The following EPHA8 variants were observed in gnomAD, a reference collection of about 807,000 sequenced individuals.
The protein encoded by EPHA8 is ephrin type-A receptor 8.
EPHA8 carries 58 observed loss-of-function variants against 103.6 expected under a neutral mutation model. The ratio of observed to expected loss-of-function variants is 0.56; its 90% CI spans 0.45 to 0.70. The LOEUF is 0.70. Ranked by LOEUF, EPHA8 falls within the 30% of genes least tolerant of loss-of-function variation. The pLI is 0.00. For synonymous variants in EPHA8, 559 were observed against 572.5 expected (o/e 0.98, Z 0.34); for missense variants, 1,304 against 1,395.2 (o/e 0.93, Z 1.04).
rs1641593970 is a variant in EPHA8, at chr1:22,598,828, C to A, written c.2179-10C>A. ...GGCTTTCCTGAAGTCCAAGCCATGT[C>A]CCCCTGCAGACCCACGACGGGCAGT... On this transcript the variant is annotated splice_polypyrimidine_tract_variant and intron_variant, in intron 12 of 16. Coordinates refer to ENST00000166244, the MANE Select transcript of EPHA8 (RefSeq NM_020526.5). This position sits in a 1 kb window ranked among gnomAD's most constrained non-coding sequence, Gnocchi z 5.1. 2.5e-6 allele frequency: 4 copies of A among 1,611,108 alleles called. No homozygotes were observed. The highest frequency in any genetic ancestry group is 1.3e-5 in the African/African-American group (1 of 74,850).
At chr1:22,582,765 C>G (rs534189833) in intron 3 of EPHA8, among the ~76,000 whole-genome samples, 1 of 152,174 alleles carries the variant, frequency 6.6e-6, no homozygotes, top group South Asian at 2.1e-4. Flanking sequence ...CTGGTTCACC[C>G]CAGAAAGAGG....
rs971313821 is a variant in EPHA8 at position 22,598,387 on chromosome 1, C to T, written c.2178+175C>T. ...GAGTTCAGCCAGTCGAACTGCCTTT[C>T]GGCCCCCATTGCATGAAAGTCCCTC... On this transcript the variant is annotated intron_variant, in intron 12 of 16. Coordinates refer to ENST00000166244, the MANE Select transcript of EPHA8 (RefSeq NM_020526.5). The surrounding 1 kb of genome is among the most constrained non-coding windows in gnomAD (Gnocchi z 5.1). 2.6e-5 allele frequency among the ~76,000 whole-genome samples: 4 copies of T among 152,174 alleles called. No individual in the cohort carries two copies. Among genetic ancestry groups the T allele is most frequent in the Non-Finnish European group, 4.4e-5 (3 of 68,036 alleles).
At position 22,576,512 on chromosome 1, in the gene EPHA8, A is replaced by G; in HGVS notation, c.455A>G (p.Glu152Gly). The G allele has an allele frequency of 6.2e-7, 1 of 1,614,168 alleles. No individual in the cohort carries two copies. The highest frequency in any genetic ancestry group is 2.2e-5 in the East Asian group (1 of 44,878). The change falls in exon 3 of 17, where the codon GAG becomes GGG. Residue 152 changes from glutamate (E) to glycine (G), a missense_variant. Physicochemically the swap from Glu to Gly is moderately conservative, Grantham distance 98. Transcript: ENST00000166244. The surrounding 1 kb of genome is among the most constrained non-coding windows in gnomAD (Gnocchi z 4.8). The stretch of plus-strand genomic sequence containing the variant: ...AAAATCGACACCATTGCGGCCGACG[A>G]GAGCTTCACAGGTGCCGACCTTGGT... Reference protein sequence around the residue: ...FLKIDTIAADESFTGADLGVR... With the variant: ...FLKIDTIAADGSFTGADLGVR...
At chr1:22,583,636 A>G (rs114196323) in intron 3 of EPHA8, among the ~76,000 whole-genome samples, 8 of 152,382 alleles carry the variant, frequency 5.2e-5, no homozygotes, top group Non-Finnish European at 1.0e-4. Context: ...CCTGGCATGA[A>G]TTTATGTGTC....
In EPHA8 at chr1:22,589,015, G is replaced by C; in HGVS notation, c.1124G>C (p.Arg375Pro). The C allele has an allele frequency of 1.2e-6, 2 of 1,612,790 alleles. No homozygotes were observed. Among genetic ancestry groups the C allele is most frequent in the South Asian group, 2.2e-5 (2 of 90,948 alleles). Reference sequence around the variant, plus strand: ...CGCCGCTGCCCCTGGGCACTGAGCCGCTGCGAGGCATGTGGGAGCGGCACC... The same window carrying C: ...CGCCGCTGCCCCTGGGCACTGAGCCCCTGCGAGGCATGTGGGAGCGGCACC... ...VCRRCPWALS[R>P]CEACGSGTRF... The change falls in exon 5 of 17, where the codon CGC becomes CCC. Residue 375 changes from arginine to proline, a missense_variant. Physicochemically the swap from Arg to Pro is moderately radical, Grantham distance 103 (BLOSUM62 -2). Transcript: ENST00000166244. This position sits in a 1 kb window ranked among gnomAD's most constrained non-coding sequence, Gnocchi z 4.3.
chr1:22,583,221 G>A (rs923993782), intron 3 of EPHA8, among the ~76,000 whole-genome samples: 3 of 152,252 alleles, frequency 2.0e-5, no homozygotes, highest in Admixed American at 6.5e-5. Flanking sequence ...CCAGCCCAGA[G>A]CCACTCCATC....
intron 3 of EPHA8, among the ~76,000 whole-genome samples, chr1:22,577,769 AGTGT>A (rs777473717): frequency 4.1e-5 from 6 of 146,030 alleles, no homozygotes; most frequent in Non-Finnish European, 9.1e-5. Context: ...GGTGTGCATG[AGTGT>A]GTGTGTGCAT....
chr1:22,579,532 T>G (rs1430057596), intron 3 of EPHA8, among the ~76,000 whole-genome samples: 1 of 152,198 alleles, frequency 6.6e-6, no homozygotes, highest in African/African-American at 2.4e-5. Context: ...GGGGAGTCTG[T>G]GCAGCCAGGC....
chr1:22,576,376 G>T lies in EPHA8; in HGVS notation c.319G>T (p.Asp107Tyr), dbSNP rs774769663. ...VYAEIKFTLR[D>Y]CNSMPGVLGT... ...TGCTGAGATCAAGTTTACCCTGCGC[G>T]ACTGCAACAGCATGCCTGGTGTGCT... The change falls in exon 3 of 17, where the codon GAC becomes TAC. Residue 107 changes from aspartate to tyrosine, a missense_variant. Transcript: ENST00000166244. This position sits in a 1 kb window ranked among gnomAD's most constrained non-coding sequence, Gnocchi z 4.8. 1.2e-6 allele frequency: 2 copies of T among 1,613,788 alleles called. No individual in the cohort carries two copies. Among genetic ancestry groups the T allele is most frequent in the South Asian group, 2.2e-5 (2 of 91,054 alleles).
chr1:22,599,672 AAGG>A (rs1364145648), intron 13 of EPHA8, among the ~76,000 whole-genome samples: 1 of 43,056 alleles, frequency 2.3e-5, no homozygotes, highest in African/African-American at 1.6e-4. Context: ...GGGAGGGAGG[AAGG>A]AGGGAAGGAA....
At position 22,589,254 on chromosome 1, in the gene EPHA8, C is replaced by T; in HGVS notation, c.1315+48C>T. The stretch of plus-strand genomic sequence containing the variant: ...GCAGCGTCCTGGTCCCCCAGCTTCC[C>T]CTGCCTCAGACCCATCCAGGGATCA... On this transcript the variant is annotated intron_variant, in intron 5 of 16. Transcript: ENST00000166244. This position sits in a 1 kb window ranked among gnomAD's most constrained non-coding sequence, Gnocchi z 4.3. 1 of 1,614,078 alleles carries T rather than the reference C, an allele frequency of 6.2e-7. No individual in the cohort carries two copies. The highest frequency in any genetic ancestry group is 8.5e-7 in the Non-Finnish European group (1 of 1,180,026).
chr1:22,587,216 T>G (rs914179807), intron 4 of EPHA8, among the ~76,000 whole-genome samples: 5 of 152,250 alleles, frequency 3.3e-5, no homozygotes, highest in Non-Finnish European at 7.3e-5. Context: ...CTGTATCGTG[T>G]TTGGATGCCT....
intron 3 of EPHA8, among the ~76,000 whole-genome samples, chr1:22,577,814 ATG>A (rs1557558272): frequency 4.0e-5 from 5 of 125,372 alleles, no homozygotes; most frequent in African/African-American, 1.2e-4. Context: ...GTATGTGTGC[ATG>A]TGTGTGCATG....
intron 3 of EPHA8, among the ~76,000 whole-genome samples, chr1:22,581,385 A>G (rs1641042921): frequency 6.6e-6 from 1 of 152,220 alleles, no homozygotes; most frequent in Admixed American, 6.5e-5. Context: ...AGCGAGTACA[A>G]ATATGCCAAT....
chr1:22,579,940 C>T (rs1433619311), intron 3 of EPHA8, among the ~76,000 whole-genome samples: 1 of 151,990 alleles, frequency 6.6e-6, no homozygotes, highest in Non-Finnish European at 1.5e-5. Flanking sequence ...CAGGAAAGGC[C>T]CCTGAGCGCT....
chr1:22,569,193 G>A lies in EPHA8; in HGVS notation c.95-96G>A. The A allele has an allele frequency of 8.4e-7, 1 of 1,197,298 alleles. No individual in the cohort carries two copies. 74.2% of individuals were successfully genotyped at this position (1,197,298 alleles called of 1,614,324 possible). On this transcript the variant is annotated intron_variant, in intron 1 of 16. Coordinates refer to ENST00000166244, the MANE Select transcript of EPHA8 (RefSeq NM_020526.5). This position sits in a 1 kb window ranked among gnomAD's most constrained non-coding sequence, Gnocchi z 4.5. ...GGACCCGTGTGAGCTGTGTGCTGGG[G>A]GCTGAGTGTGGACCAGTGTAGCTGG...
intron 5 of EPHA8, among the ~76,000 whole-genome samples, chr1:22,591,249 A>G (rs1030703117): frequency 7.9e-5 from 12 of 151,894 alleles, no homozygotes; most frequent in African/African-American, 2.7e-4. Flanking sequence ...TTTTGAGACA[A>G]TGTCTCTATC....
At chr1:22,585,050 T>TGTGTGTGTGTGTGCGC (rs71020436) in intron 3 of EPHA8, among the ~76,000 whole-genome samples, 1 of 93,494 alleles carries the variant, frequency 1.1e-5, no homozygotes, top group African/African-American at 6.0e-5. Context: ...TGTGTGTGTG[T>TGTGTGTGTGTGTGCGC]GCGCACGCGT....
intron 3 of EPHA8, among the ~76,000 whole-genome samples, chr1:22,578,621 G>T (rs1363057768): frequency 6.7e-6 from 1 of 149,334 alleles, no homozygotes; most frequent in African/African-American, 2.5e-5. Flanking sequence ...GTGTATGTCT[G>T]CGTGTGTGCA....
Sources: allele counts gnomAD v4.1 joint callset (sites outside exome capture counted in the v4.1 genomes callset), GRCh38; gene constraint gnomAD v4.1.1; non-coding constraint Gnocchi (gnomAD v3.1); transcripts MANE v1.5; gene names NCBI Gene and HGNC (gene_info 2026-07-23, HGNC 2026-07-21).